The following FAM217A variants were observed in gnomAD, a reference collection of about 807,000 sequenced individuals.
FAM217A encodes family with sequence similarity 217 member A, also known as protein FAM217A.
FAM217A carries 13 observed loss-of-function variants against 18.5 expected under a neutral mutation model. The observed-to-expected ratio is 0.70, with a 90% confidence interval of 0.46 to 1.12. FAM217A has a LOEUF of 1.12. Ranked by LOEUF, FAM217A falls within the 50% of genes most tolerant of loss-of-function variation. The pLI is 0.00. For missense variants in FAM217A, 560 were observed against 575.4 expected, an observed-to-expected ratio of 0.97 and a Z score of 0.27; for synonymous variants, 161 against 202.8, an observed-to-expected ratio of 0.79 and a Z score of 1.75.
intron 6 of FAM217A, among the ~76,000 whole-genome samples, chr6:4,070,779 C>G: frequency 1.3e-5 from 2 of 152,210 alleles, no homozygotes; most frequent in Middle Eastern, 6.8e-3. Context: ...CCAAGGCAGG[C>G]GGGTTGCTTG....
intron 4 of FAM217A, 72 bp from the exon 5 acceptor site, chr6:4,073,579 T>C (rs1769563844): frequency 8.1e-7 from 1 of 1,229,418 alleles, no homozygotes; most frequent in African/African-American, 1.5e-5. Context: ...AATGTATAGT[T>C]CTTGTTCTAA....
intron 6 of FAM217A, among the ~76,000 whole-genome samples, chr6:4,072,689 G>A (rs1328925000): frequency 6.6e-6 from 1 of 151,978 alleles, no homozygotes; most frequent in Non-Finnish European, 1.5e-5. Flanking sequence ...TTCAACCCAG[G>A]AGGCAGAGGT....
In FAM217A at chr6:4,079,097, C is replaced by G; in HGVS notation, c.-280G>C. 1 of 354,086 alleles carries G rather than the reference C, an allele frequency of 2.8e-6. No individual in the cohort carries two copies. Among genetic ancestry groups the G allele is most frequent in the African/African-American group, 2.2e-5 (1 of 46,480 alleles). The allele number at this position is 354,086 out of a possible 1,614,324, so 21.9% of individuals were successfully genotyped here. ...GAGTCGGGCCCGGGGCCCAGAGAGA[C>G]CTTCCGGGGCCGGGGCTGCGGCTCC... is the stretch of plus-strand genomic sequence containing the variant. On this transcript the variant is annotated 5_prime_UTR_variant, in exon 1 of 7. Transcript: ENST00000274673.
intron 2 of FAM217A, 91 bp from the exon 3 acceptor site, chr6:4,074,752 A>G (rs1460807716): frequency 7.6e-6 from 7 of 923,282 alleles, no homozygotes; most frequent in Non-Finnish European, 1.0e-5. Flanking sequence ...AAGTATGACG[A>G]AAGGCACAAA....
At chr6:4,083,787 C>T (rs1450223065), upstream of FAM217A, among the ~76,000 whole-genome samples, 2 of 152,156 alleles carry the variant, frequency 1.3e-5, no homozygotes, top group Non-Finnish European at 2.9e-5. Context: ...CTCCTGACCT[C>T]AGGTGGTCCA....
rs576082742 is a variant in FAM217A at position 4,068,722 on chromosome 6, ACTTATC to A, written c.1495_1500del (p.Asp499_Lys500del). On this transcript the variant is annotated inframe_deletion, in exon 7 of 7. Coordinates refer to ENST00000274673, the MANE Select transcript of FAM217A (RefSeq NM_173563.3). ...TATTTTTGTTCAATGGGTGAGCAGCACTTATCCTTAGCAATAAGGGAAGGCGACAAA... is the reference window on the plus strand; with the variant it reads ...TATTTTTGTTCAATGGGTGAGCAGCACTTAGCAATAAGGGAAGGCGACAAA... 6.8e-4 allele frequency: 1,103 copies of A among 1,611,446 alleles called. 4 individuals carry two copies. In the African/African-American group the frequency reaches 0.011, roughly 16 times the overall value.
intron 1 of FAM217A, among the ~76,000 whole-genome samples, chr6:4,085,311 A>AAAAAAATATAT (rs377046907): frequency 2.3e-4 from 34 of 146,438 alleles, no homozygotes; most frequent in African/African-American, 6.7e-4. Flanking sequence ...TGTAAAAAAA[A>AAAAAAATATAT]ATATATATAT....
chr6:4,084,572 A>G, intron 2 of FAM217A: 1 of 702,780 alleles, frequency 1.4e-6, no homozygotes, highest in Non-Finnish European at 2.6e-6. Context: ...CAGTGTCAGA[A>G]CTTACTTTCT....
chr6:4,069,044 T>A lies in FAM217A; in HGVS notation c.1179A>T (p.Lys393Asn). Residue 393 changes from lysine (K) to asparagine (N), a missense_variant, in exon 7 of 7, where the codon AAA becomes AAT. Coordinates refer to ENST00000274673, the MANE Select transcript of FAM217A (RefSeq NM_173563.3). The part of the protein sequence containing the change: ...PLSLKSSSTP[K>N]QLIETYDKNP... ...TCTTATCATAAGTTTCAATCAATTGTTTTGGGGTGGAAGAACTTTTTAGAG... is the reference window on the plus strand; with the variant it reads ...TCTTATCATAAGTTTCAATCAATTGATTTGGGGTGGAAGAACTTTTTAGAG... 6.2e-7 allele frequency: 1 copy of A among 1,614,028 alleles called. No individual in the cohort carries two copies. The highest frequency in any genetic ancestry group is 8.5e-7 in the Non-Finnish European group (1 of 1,179,988).
At chr6:4,085,875 C>T (rs886448984) in intron 1 of FAM217A, among the ~76,000 whole-genome samples, 9 of 151,912 alleles carry the variant, frequency 5.9e-5, no homozygotes, top group Admixed American at 1.3e-4. Flanking sequence ...TCTGGGAGGC[C>T]GAGGCAAGAG....
Position 4,069,275 on chromosome 6 carries a change from T to C in FAM217A, c.948A>G (p.Ala316=), listed in dbSNP as rs1239314121. The stretch of plus-strand genomic sequence containing the variant: ...TGGAGGAAGAGGGTCGTTCAGTAAC[T>C]GCTGGAGTACAGAAAGTCGTTTGTA... ...PRLQTTFCTP[A]VTERPSSSKA... The change falls in exon 7 of 7, where the codon GCA becomes GCG. Residue 316 remains alanine, a synonymous_variant. Transcript: ENST00000274673. 5 of 1,614,128 alleles carry C rather than the reference T, an allele frequency of 3.1e-6. No individual in the cohort carries two copies. The highest frequency in any genetic ancestry group is 3.4e-6 in the Non-Finnish European group (4 of 1,180,014).
chr6:4,085,009 A>G (rs779376288), intron 1 of FAM217A, among the ~76,000 whole-genome samples: 13 of 152,220 alleles, frequency 8.5e-5, no homozygotes, highest in Admixed American at 2.0e-4. Flanking sequence ...CGAGAAAATA[A>G]TATGTTAGAA....
upstream of FAM217A, chr6:4,079,430 C>CTCCCGGGCCT (rs1770108817): frequency 2.1e-5 from 7 of 336,804 alleles, no homozygotes; most frequent in Admixed American, 4.1e-5. Context: ...AAGCCTGAGC[C>CTCCCGGGCCT]TCCCGGGCCT....
upstream of FAM217A, among the ~76,000 whole-genome samples, chr6:4,082,579 C>T (rs1213414883): frequency 6.6e-6 from 1 of 152,214 alleles, no homozygotes; most frequent in Admixed American, 6.5e-5. Flanking sequence ...ATCTGACCCC[C>T]ATTCCAGAGA....
At chr6:4,076,282 T>C (rs651246) in intron 2 of FAM217A, among the ~76,000 whole-genome samples, 41,962 of 145,750 alleles carry the variant, frequency 0.29, 7,273 homozygotes, top group African/African-American at 0.5. Flanking sequence ...TGAGCCACGA[T>C]AGCACCACTG....
upstream of FAM217A, among the ~76,000 whole-genome samples, chr6:4,083,485 C>T (rs929816911): frequency 1.3e-5 from 2 of 152,062 alleles, no homozygotes; most frequent in Non-Finnish European, 2.9e-5. Flanking sequence ...TTGTTTTTCC[C>T]TTTAGAATTG....
chr6:4,079,123 G>A lies in FAM217A; in HGVS notation c.-306C>T, dbSNP rs1770079118. ...CTTCCGGGGCCGGGGCTGCGGCTCC[G>A]CGGGCTTCCCCACCGGCCGGGTCTC... is the stretch of plus-strand genomic sequence containing the variant. On this transcript the variant is annotated 5_prime_UTR_variant, in exon 1 of 7. Transcript: ENST00000274673. 2.9e-6 allele frequency: 1 copy of A among 346,240 alleles called. No homozygotes were observed. Among genetic ancestry groups the A allele is most frequent in the Non-Finnish European group, 5.2e-6 (1 of 193,250 alleles). 21.4% of individuals were successfully genotyped at this position (346,240 alleles called of 1,614,324 possible).
At chr6:4,071,828 T>C (rs964494079) in intron 6 of FAM217A, among the ~76,000 whole-genome samples, 2 of 152,128 alleles carry the variant, frequency 1.3e-5, no homozygotes, top group Admixed American at 6.5e-5. Context: ...TAAAATTCTC[T>C]GACTAGGAGA....
In FAM217A at chr6:4,069,083, A is replaced by G; in HGVS notation, c.1140T>C (p.Asn380=). Residue 380 remains asparagine, a synonymous_variant, in exon 7 of 7, where the codon AAT becomes AAC. Coordinates refer to ENST00000274673, the MANE Select transcript of FAM217A (RefSeq NM_173563.3). ...AACTTTTTAGAGACAGTGGTCTAGA[A>G]TTCCATCTATATTTGCCAGCATTGC... ...NWSNAGKYRW[N]SRPLSLKSSS... The G allele has an allele frequency of 6.2e-7, 1 of 1,614,198 alleles. No homozygotes were observed. The highest frequency in any genetic ancestry group is 8.5e-7 in the Non-Finnish European group (1 of 1,180,034).
Sources: allele counts gnomAD v4.1 joint callset (sites outside exome capture counted in the v4.1 genomes callset), GRCh38; gene constraint gnomAD v4.1.1; transcripts MANE v1.5; gene names NCBI Gene and HGNC (gene_info 2026-07-23, HGNC 2026-07-21).